CLMN: variants seen among roughly 807,000 people sequenced by gnomAD.
CLMN encodes the protein calmin, also known as calmin (calponin-like, transmembrane).
Under a neutral mutation model 92.7 loss-of-function variants are expected in CLMN, and 57 were observed. The ratio of observed to expected loss-of-function variants is 0.61; its 90% CI spans 0.50 to 0.77. The LOEUF (loss-of-function observed/expected upper bound fraction) is 0.77. Ranked by LOEUF, CLMN falls within the 30% of genes least tolerant of loss-of-function variation. The pLI, the probability that CLMN is intolerant of heterozygous loss-of-function variation, is 0.00. For synonymous variants in CLMN, 466 were observed against 470.6 expected (o/e 0.99, Z 0.13); for missense variants, 1,158 against 1,237.5 (o/e 0.94, Z 0.96).
chr14:95,257,795 A>G (rs943822356), intron 1 of CLMN, among the ~76,000 whole-genome samples: 14 of 152,228 alleles, frequency 9.2e-5, no homozygotes, highest in African/African-American at 3.4e-4. Flanking sequence ...GACTTAGAGG[A>G]CGCAGGACCT....
chr14:95,194,135 C>G lies in CLMN; in HGVS notation c.2770-216G>C. On this transcript the variant is annotated intron_variant, in intron 11 of 12. Transcript: ENST00000298912. The surrounding 1 kb of genome is among the most constrained non-coding windows in gnomAD (Gnocchi z 4.0). ...TCCCTTGTGAGTGCGAGAGACCCCACCACCCGGAACCCGGATTGGGGTGTG... is the reference window on the plus strand; with the variant it reads ...TCCCTTGTGAGTGCGAGAGACCCCAGCACCCGGAACCCGGATTGGGGTGTG... 1 of 1,411,734 alleles carries G rather than the reference C, an allele frequency of 7.1e-7. No individual in the cohort carries two copies. Among genetic ancestry groups the G allele is most frequent in the Non-Finnish European group, 9.2e-7 (1 of 1,091,122 alleles). 87.5% of individuals were successfully genotyped at this position (1,411,734 alleles called of 1,614,324 possible). A position where few individuals can be genotyped will look rare whatever the true frequency, so the allele number is the denominator to read the frequency against.
chr14:95,208,146 T>C (rs1276452238), intron 8 of CLMN, among the ~76,000 whole-genome samples: 6 of 152,176 alleles, frequency 3.9e-5, no homozygotes, highest in African/African-American at 1.4e-4. Context: ...TTTCCTTTTT[T>C]TCTGTCTGGT....
chr14:95,274,619 T>C (rs1265973549), intron 1 of CLMN, among the ~76,000 whole-genome samples: 1 of 152,180 alleles, frequency 6.6e-6, no homozygotes, highest in Non-Finnish European at 1.5e-5. Context: ...CTCTAAACCC[T>C]GTGTGGCTCC....
intron 1 of CLMN, among the ~76,000 whole-genome samples, chr14:95,311,828 T>C (rs2140798869): frequency 6.6e-6 from 1 of 152,128 alleles, no homozygotes; most frequent in East Asian, 1.9e-4. Flanking sequence ...GCCACCTTCT[T>C]CATTCCAGGG....
chr14:95,238,011 T>C (rs1898114058), intron 1 of CLMN, among the ~76,000 whole-genome samples: 1 of 152,178 alleles, frequency 6.6e-6, no homozygotes, highest in African/African-American at 2.4e-5. Context: ...TTTCCTCTCT[T>C]GAGCCAAGTG....
chr14:95,287,851 AGCTATCT>A (rs1900402364), intron 1 of CLMN, among the ~76,000 whole-genome samples: 1 of 152,158 alleles, frequency 6.6e-6, no homozygotes, highest in Non-Finnish European at 1.5e-5. Flanking sequence ...GCTCCTAGCC[AGCTATCT>A]GCATTTCCCT....
At chr14:95,216,632 T>C (rs1897357245) in intron 4 of CLMN, among the ~76,000 whole-genome samples, 1 of 152,224 alleles carries the variant, frequency 6.6e-6, no homozygotes, top group Non-Finnish European at 1.5e-5. Flanking sequence ...TGACTGCTAA[T>C]TAGAAATAGT....
At chr14:95,220,249 T>C (rs1566875418) in intron 4 of CLMN, among the ~76,000 whole-genome samples, 1 of 142,460 alleles carries the variant, frequency 7.0e-6, no homozygotes, top group Non-Finnish European at 1.5e-5. Context: ...AGATCTTAGC[T>C]CACTGAAACG....
chr14:95,319,699 G>T lies in CLMN; in HGVS notation c.82+12C>A. On this transcript the variant is annotated intron_variant, in intron 1 of 12. Coordinates refer to ENST00000298912, the MANE Select transcript of CLMN (RefSeq NM_024734.4). Reference sequence around the variant, plus strand: ...CGCCCAGCCATCCCGGGGCGAGCCTGGGCTGCGTTACCTTGCAGGTTCTGC... The same window carrying T: ...CGCCCAGCCATCCCGGGGCGAGCCTTGGCTGCGTTACCTTGCAGGTTCTGC... 6.3e-7 allele frequency: 1 copy of T among 1,592,362 alleles called. No homozygotes were observed. Among genetic ancestry groups the T allele is most frequent in the Non-Finnish European group, 8.5e-7 (1 of 1,174,628 alleles).
In CLMN at chr14:95,210,899, G is replaced by A. The variant is rs772811226; in HGVS notation, c.609-20C>T. ...CCATACCTGAAGGAAAAACAGCAGC[G>A]GCGGCCAGGATGCTGGTTAGTAAAC... On this transcript the variant is annotated intron_variant, in intron 6 of 12. Coordinates refer to ENST00000298912, the MANE Select transcript of CLMN (RefSeq NM_024734.4). 54 of 1,493,640 alleles carry A rather than the reference G, an allele frequency of 3.6e-5. No individual in the cohort carries two copies. The South Asian group carries it at 6.0e-4, about 17-fold the overall frequency. 92.5% of individuals were successfully genotyped at this position (1,493,640 alleles called of 1,614,324 possible). A position where few individuals can be genotyped will look rare whatever the true frequency, so the allele number is the denominator to read the frequency against.
chr14:95,210,658 T>G (rs1897170959), intron 7 of CLMN, 28 bp downstream of exon 7: 1 of 1,590,832 alleles, frequency 6.3e-7, no homozygotes, highest in Non-Finnish European at 8.5e-7. Context: ...AAAAAAATTA[T>G]TAGAAAGAAA....
intron 1 of CLMN, among the ~76,000 whole-genome samples, chr14:95,311,795 T>C (rs973581872): frequency 2.6e-5 from 4 of 151,934 alleles, no homozygotes; most frequent in Non-Finnish European, 5.9e-5. Context: ...ATGGGACAGA[T>C]TTTCCTCTGT....
At chr14:95,299,357 T>C (rs1355985493) in intron 1 of CLMN, among the ~76,000 whole-genome samples, 1 of 152,188 alleles carries the variant, frequency 6.6e-6, no homozygotes, top group Non-Finnish European at 1.5e-5. Context: ...TGGGAGACAC[T>C]GTGAAGGAGC....
chr14:95,224,887 T>C (rs930817999), intron 2 of CLMN, among the ~76,000 whole-genome samples: 6 of 152,102 alleles, frequency 3.9e-5, no homozygotes, highest in African/African-American at 1.4e-4. Context: ...GTGGGACCCT[T>C]AGCAGAGGAA....
At chr14:95,268,688 T>C (rs1279242860) in intron 1 of CLMN, among the ~76,000 whole-genome samples, 1 of 151,676 alleles carries the variant, frequency 6.6e-6, no homozygotes. Context: ...GCTGGAGGGA[T>C]TGTGTCCAGT....
chr14:95,300,506 C>T (rs1057140681), intron 1 of CLMN, among the ~76,000 whole-genome samples: 1 of 152,172 alleles, frequency 6.6e-6, no homozygotes. Context: ...TCTGTGTATT[C>T]GGTACTCCAG....
chr14:95,253,040 AC>A (rs1210008890), intron 1 of CLMN, among the ~76,000 whole-genome samples: 1 of 151,826 alleles, frequency 6.6e-6, no homozygotes, highest in South Asian at 2.1e-4. Context: ...GATTTTAGGA[AC>A]CCCCCTGAAC....
chr14:95,207,909 T>A (rs544980871), intron 8 of CLMN, among the ~76,000 whole-genome samples: 18 of 152,320 alleles, frequency 1.2e-4, no homozygotes, highest in African/African-American at 4.1e-4. Context: ...GAGCCTGAAC[T>A]TTGGAAACAC....
chr14:95,242,824 C>T (rs1302917997), intron 1 of CLMN, among the ~76,000 whole-genome samples: 1 of 152,054 alleles, frequency 6.6e-6, no homozygotes, highest in Admixed American at 6.6e-5. Context: ...ACCTTGGCCT[C>T]CCAAAGTGCT....
Sources: allele counts gnomAD v4.1 joint callset (sites outside exome capture counted in the v4.1 genomes callset), GRCh38; gene constraint gnomAD v4.1.1; non-coding constraint Gnocchi (gnomAD v3.1); transcripts MANE v1.5; gene names NCBI Gene and HGNC (gene_info 2026-07-23, HGNC 2026-07-21).